Variants in RFX3 observed in about 807,000 individuals in gnomAD.
RFX3 encodes the protein regulatory factor X3, also known as transcription factor RFX3.
RFX3 carries 14 observed loss-of-function variants against 98.6 expected under a neutral mutation model. The ratio of observed to expected loss-of-function variants is 0.14; its 90% CI spans 0.09 to 0.22. The LOEUF is 0.22. Among genes scored for constraint, RFX3 ranks in the 10% least tolerant of loss-of-function variants. The pLI is 1.00. For missense variants in RFX3, 639 were observed against 926.9 expected (o/e 0.69, Z 4.03); for synonymous variants, 383 against 328.4 (o/e 1.17, Z -1.80).
At chr9:3,505,735 A>G (rs943358683) in intron 1 of RFX3, among the ~76,000 whole-genome samples, 1 of 151,262 alleles carries the variant, frequency 6.6e-6, no homozygotes, top group African/African-American at 2.4e-5. Context: ...TCCTATTTAA[A>G]ATTACAACCT....
chr9:3,506,868 G>GA (rs1282640220), intron 1 of RFX3, among the ~76,000 whole-genome samples: 2 of 151,190 alleles, frequency 1.3e-5, no homozygotes, highest in Admixed American at 6.6e-5. Context: ...ATTCATTTTG[G>GA]AAAAAAAAGA....
chr9:3,314,861 C>T (rs769459539), intron 4 of RFX3, among the ~76,000 whole-genome samples: 1 of 152,086 alleles, frequency 6.6e-6, no homozygotes, highest in African/African-American at 2.4e-5. Context: ...TAGGAGCACC[C>T]AGATTCATAA....
chr9:3,454,296 C>T lies in RFX3; in HGVS notation c.-8-58700G>A, dbSNP rs140489094. On this transcript the variant is annotated intron_variant, in intron 1 of 16. Transcript: ENST00000617270. ...CACATACATATACACAGGCAACACTCGAGAGAAGAAATACATGTATATCTC... is the reference window on the plus strand; with the variant it reads ...CACATACATATACACAGGCAACACTTGAGAGAAGAAATACATGTATATCTC... 2.4e-4 allele frequency among the ~76,000 whole-genome samples: 37 copies of T among 152,216 alleles called. No individual in the cohort carries two copies. The East Asian group carries it at 6.0e-3, about 25-fold the overall frequency.
chr9:3,281,642 T>C (rs530892226), intron 7 of RFX3, among the ~76,000 whole-genome samples: 42 of 151,870 alleles, frequency 2.8e-4, no homozygotes, highest in African/African-American at 8.9e-4. Flanking sequence ...AGTGCTAAAG[T>C]TGTTAATGAT....
intron 1 of RFX3, among the ~76,000 whole-genome samples, chr9:3,467,180 ATGTATATACATATATAATGTATG>A (rs1311608328): frequency 1.6e-4 from 23 of 141,058 alleles, no homozygotes; most frequent in Admixed American, 1.1e-3. Flanking sequence ...TAATGTATAT[ATGTATATACATATATAATGTATG>A]TGTATATACA....
intron 2 of RFX3, among the ~76,000 whole-genome samples, chr9:3,375,821 A>G (rs1023745553): frequency 6.6e-6 from 1 of 152,102 alleles, no homozygotes; most frequent in East Asian, 1.9e-4. Context: ...TTAGCTAGGC[A>G]TGGTGGCACA....
intron 1 of RFX3, among the ~76,000 whole-genome samples, chr9:3,503,998 T>C (rs1244253955): frequency 6.6e-6 from 1 of 151,254 alleles, no homozygotes; most frequent in Non-Finnish European, 1.5e-5. Flanking sequence ...TTTTAAGTGT[T>C]TCCAAAGAGC....
intron 2 of RFX3, among the ~76,000 whole-genome samples, chr9:3,388,888 A>AT (rs1474925459): frequency 6.6e-6 from 1 of 152,152 alleles, no homozygotes; most frequent in Non-Finnish European, 1.5e-5. Flanking sequence ...GAGACAATAC[A>AT]TTTACTCATT....
At chr9:3,340,831 T>C (rs1833800874) in intron 3 of RFX3, among the ~76,000 whole-genome samples, 1 of 152,218 alleles carries the variant, frequency 6.6e-6, no homozygotes, top group South Asian at 2.1e-4. Flanking sequence ...TCAACCATTG[T>C]GGAAGTCAGT....
At chr9:3,497,508 A>C (rs1851198710) in intron 1 of RFX3, among the ~76,000 whole-genome samples, 1 of 151,990 alleles carries the variant, frequency 6.6e-6, no homozygotes, top group African/African-American at 2.4e-5. Flanking sequence ...CTCATCACTT[A>C]GCAGGAAAAA....
intron 1 of RFX3, among the ~76,000 whole-genome samples, chr9:3,516,253 T>A (rs1818159158): frequency 6.6e-6 from 1 of 152,068 alleles, no homozygotes; most frequent in Non-Finnish European, 1.5e-5. Flanking sequence ...TTTCATCGTG[T>A]TAGCCAGGAT....
chr9:3,301,434 G>A (rs1828649498), intron 5 of RFX3, 112 bp downstream of exon 5: 1 of 668,618 alleles, frequency 1.5e-6, no homozygotes, highest in Admixed American at 2.3e-5. Context: ...GGCTGAGAAG[G>A]GAAGGTTAAG....
At chr9:3,260,445 C>T (rs1822728717) in intron 13 of RFX3, among the ~76,000 whole-genome samples, 1 of 151,756 alleles carries the variant, frequency 6.6e-6, no homozygotes. Context: ...TGCAGATACA[C>T]AAATATATAT....
At chr9:3,350,648 T>C (rs1170137528) in intron 2 of RFX3, among the ~76,000 whole-genome samples, 1 of 152,178 alleles carries the variant, frequency 6.6e-6, no homozygotes, top group Non-Finnish European at 1.5e-5. Flanking sequence ...TTGCTAGAAC[T>C]TGGTAACAAC....
At chr9:3,388,813 A>G (rs1238182931) in intron 2 of RFX3, among the ~76,000 whole-genome samples, 2 of 152,128 alleles carry the variant, frequency 1.3e-5, no homozygotes, top group Admixed American at 6.6e-5. Flanking sequence ...TTTGAACTCA[A>G]TAGAAGTCCC....
intron 1 of RFX3, among the ~76,000 whole-genome samples, chr9:3,454,361 T>C (rs571258477): frequency 1.4e-4 from 21 of 152,348 alleles, no homozygotes; most frequent in South Asian, 6.2e-4. Context: ...ATGTTCTACC[T>C]TACCAAAAGA....
chr9:3,500,629 G>A (rs1325494007), intron 1 of RFX3, among the ~76,000 whole-genome samples: 1 of 152,102 alleles, frequency 6.6e-6, no homozygotes, highest in Non-Finnish European at 1.5e-5. Flanking sequence ...AATTTAACTT[G>A]ATTCCATAGG....
At chr9:3,284,852 T>C (rs1031913261) in intron 7 of RFX3, among the ~76,000 whole-genome samples, 1 of 151,750 alleles carries the variant, frequency 6.6e-6, no homozygotes, top group African/African-American at 2.4e-5. Context: ...CTATGACATC[T>C]GCTTTCCAAT....
intron 14 of RFX3, among the ~76,000 whole-genome samples, chr9:3,252,664 G>C (rs540785579): frequency 6.6e-6 from 1 of 152,168 alleles, no homozygotes; most frequent in African/African-American, 2.4e-5. Context: ...CTAGTGGCTG[G>C]ACTGTGTAGG....
Sources: gnomAD v4.1 joint callset for allele counts (sites outside exome capture counted in the v4.1 genomes callset) on GRCh38, gnomAD v4.1.1 for gene constraint, MANE v1.5 for transcripts, NCBI Gene and HGNC (gene_info 2026-07-23, HGNC 2026-07-21) for gene names.